The following SNX29 variants were observed in gnomAD, a reference collection of about 807,000 sequenced individuals.
The protein encoded by SNX29 is sorting nexin 29, also known as sorting nexin-29.
Under a neutral mutation model 102.1 loss-of-function variants are expected in SNX29, and 78 were observed. That is an observed-to-expected ratio of 0.76 (90% confidence interval 0.64 to 0.92). The LOEUF is 0.92. Ranked by LOEUF, SNX29 falls within the 40% of genes least tolerant of loss-of-function variation. The pLI is 0.00. For missense variants in SNX29, 1,280 were observed against 1,061.7 expected, an observed-to-expected ratio of 1.21 and a Z score of -2.86; for synonymous variants, 580 against 414.5, an observed-to-expected ratio of 1.40 and a Z score of -4.85.
At chr16:12,190,719 G>C (rs2141898374) in intron 13 of SNX29, among the ~76,000 whole-genome samples, 1 of 152,292 alleles carries the variant, frequency 6.6e-6, no homozygotes, top group Middle Eastern at 3.4e-3. Flanking sequence ...GGCTGTATTA[G>C]GTGGATGTCT....
At position 12,481,547 on chromosome 16, in the gene SNX29, CA is replaced by C. The variant is rs1567608699; in HGVS notation, c.2178+3689del. ...ACACACACACACACACACACACACA[CA>C]CACACACCCCAAATGTCACCCTGTC... On this transcript the variant is annotated intron_variant, in intron 19 of 20. Coordinates refer to ENST00000566228, the MANE Select transcript of SNX29 (RefSeq NM_032167.5). Among the ~76,000 whole-genome samples, 517 of 131,290 alleles carry C rather than the reference CA, an allele frequency of 3.9e-3. 1 individual carries two copies. The highest frequency in any genetic ancestry group is 8.6e-3 in the African/African-American group (322 of 37,524). The allele number at this position is 131,290 out of a possible 152,430, so 86.1% of individuals were successfully genotyped here. A position where few individuals can be genotyped will look rare whatever the true frequency, so the allele number is the denominator to read the frequency against.
intron 2 of SNX29, among the ~76,000 whole-genome samples, chr16:12,000,018 C>G (rs1284634130): frequency 1.3e-5 from 2 of 151,916 alleles, no homozygotes; most frequent in African/African-American, 2.4e-5. Flanking sequence ...AGTTAGGACC[C>G]TCGAGCACAA....
intron 16 of SNX29, among the ~76,000 whole-genome samples, chr16:12,359,002 C>G (rs961240306): frequency 6.6e-6 from 1 of 152,216 alleles, no homozygotes; most frequent in Non-Finnish European, 1.5e-5. Context: ...GTGAGCTGCT[C>G]TAGCAAATTA....
intron 14 of SNX29, among the ~76,000 whole-genome samples, chr16:12,205,470 A>G (rs2077021821): frequency 6.6e-6 from 1 of 152,024 alleles, no homozygotes; most frequent in Non-Finnish European, 1.5e-5. Context: ...CTAAGTTCCA[A>G]CCTCATCTCC....
At chr16:12,351,067 C>G (rs993266799) in intron 15 of SNX29, among the ~76,000 whole-genome samples, 14 of 152,230 alleles carry the variant, frequency 9.2e-5, no homozygotes, top group Admixed American at 8.5e-4. Flanking sequence ...CCCACTCTGT[C>G]ACTTCCTTGT....
At chr16:12,463,445 C>A (rs1441329182) in intron 18 of SNX29, among the ~76,000 whole-genome samples, 2 of 152,212 alleles carry the variant, frequency 1.3e-5, no homozygotes, top group East Asian at 3.8e-4. Context: ...TCACATCTTA[C>A]ATGGATGGCG....
intron 14 of SNX29, among the ~76,000 whole-genome samples, chr16:12,268,026 C>G (rs1433291960): frequency 6.6e-6 from 1 of 152,174 alleles, no homozygotes; most frequent in Non-Finnish European, 1.5e-5. Flanking sequence ...ATTTGCGGTT[C>G]CCGGGAACGT....
intron 9 of SNX29, among the ~76,000 whole-genome samples, chr16:12,065,078 G>A (rs2050966926): frequency 6.6e-6 from 1 of 152,226 alleles, no homozygotes; most frequent in Non-Finnish European, 1.5e-5. Flanking sequence ...AAGGAGCAAA[G>A]AAGGGGGAAC....
intron 18 of SNX29, among the ~76,000 whole-genome samples, chr16:12,445,987 C>G (rs746653117): frequency 1.3e-5 from 2 of 151,310 alleles, no homozygotes; most frequent in African/African-American, 4.9e-5. Context: ...CACGCTTTCG[C>G]GCTGCACACC....
intron 14 of SNX29, among the ~76,000 whole-genome samples, chr16:12,274,525 C>T (rs1275594522): frequency 2.7e-5 from 4 of 150,812 alleles, no homozygotes; most frequent in African/African-American, 9.7e-5. Flanking sequence ...TTGTAGTTCT[C>T]TATTCTCCCC....
Position 12,139,979 on chromosome 16 carries a change from T to TGAAAAAAAAA in SNX29, c.1595+10221_1595+10222insGAAAAAAAAA, listed in dbSNP as rs144110763. 3.2e-5 allele frequency among the ~76,000 whole-genome samples: 2 copies of TGAAAAAAAAA among 63,070 alleles called. 1 individual carries two copies. The allele number at this position is 63,070 out of a possible 152,430, so 41.4% of individuals were successfully genotyped here. ...CTGGGAGACAGAGAGATACCCTGTC[T>TGAAAAAAAAA]CAAAAAAAAAAAAAAAAAAAAAAAA... On this transcript the variant is annotated intron_variant, in intron 13 of 20. Coordinates refer to ENST00000566228, the MANE Select transcript of SNX29 (RefSeq NM_032167.5).
intron 18 of SNX29, among the ~76,000 whole-genome samples, chr16:12,463,640 G>A (rs2086911676): frequency 6.6e-6 from 1 of 152,154 alleles, no homozygotes; most frequent in South Asian, 2.1e-4. Context: ...AGATTTGGGT[G>A]GGGATACAGA....
At chr16:12,068,883 T>C (rs923891124) in intron 9 of SNX29, among the ~76,000 whole-genome samples, 174 bp from the exon 10 acceptor site, 1 of 152,226 alleles carries the variant, frequency 6.6e-6, no homozygotes, top group African/African-American at 2.4e-5. Flanking sequence ...AGTCTGAGAT[T>C]ATCTCTGAAC....
chr16:12,339,681 A>G (rs1044029002), intron 15 of SNX29, among the ~76,000 whole-genome samples: 1 of 152,156 alleles, frequency 6.6e-6, no homozygotes, highest in Admixed American at 6.5e-5. Context: ...CTTTCTCTAT[A>G]TGTGATGGAT....
At chr16:12,554,755 A>C (rs373976909) in intron 20 of SNX29, among the ~76,000 whole-genome samples, 2,326 of 152,264 alleles carry the variant, frequency 0.015, 55 homozygotes, top group African/African-American at 0.052. Flanking sequence ...TAAGTGTATT[A>C]GAACGTGCTC....
rs1001608852 is a variant in SNX29, at chr16:12,571,549, G to T, written c.*2920G>T. 1 of 973,574 alleles carries T rather than the reference G, an allele frequency of 1.0e-6. No homozygotes were observed. Among genetic ancestry groups the T allele is most frequent in the Non-Finnish European group, 1.3e-6 (1 of 796,234 alleles). 60.3% of individuals were successfully genotyped at this position (973,574 alleles called of 1,614,324 possible). On this transcript the variant is annotated 3_prime_UTR_variant, in exon 21 of 21. Transcript: ENST00000566228. The stretch of plus-strand genomic sequence containing the variant: ...TGGGACCACCCTTTGCTGGGAGGAA[G>T]AATCCACACCGAATCCTTCTGTCTT...
chr16:12,544,033 T>A (rs1383285773), intron 20 of SNX29, among the ~76,000 whole-genome samples: 2 of 152,196 alleles, frequency 1.3e-5, no homozygotes, highest in African/African-American at 4.8e-5. Context: ...CCCCGTTGAC[T>A]CATCACATTG....
At chr16:12,504,448 G>A (rs936092631) in intron 19 of SNX29, among the ~76,000 whole-genome samples, 3 of 152,126 alleles carry the variant, frequency 2.0e-5, no homozygotes, top group East Asian at 1.9e-4. Flanking sequence ...TCTGCTTTCC[G>A]TGTCTGTAGG....
At chr16:12,527,434 A>AT in intron 20 of SNX29, 1 of 434,984 alleles carries the variant, frequency 2.3e-6, no homozygotes, top group Non-Finnish European at 4.4e-6. Flanking sequence ...ATTTTGACAG[A>AT]TTTTCTCCTT....
Sources: allele counts gnomAD v4.1 joint callset (sites outside exome capture counted in the v4.1 genomes callset), GRCh38; gene constraint gnomAD v4.1.1; transcripts MANE v1.5; gene names NCBI Gene and HGNC (gene_info 2026-07-23, HGNC 2026-07-21).